LSAMP: variants seen among roughly 807,000 people sequenced by gnomAD.
The protein encoded by LSAMP is limbic system associated membrane protein, also known as limbic system-associated membrane protein.
A neutral mutation model predicts 38.6 loss-of-function variants in LSAMP; 7 were observed. The ratio of observed to expected loss-of-function variants is 0.18; its 90% confidence interval spans 0.10 to 0.34. LSAMP has a LOEUF of 0.34. Ranked by LOEUF, LSAMP falls within the 10% of genes least tolerant of loss-of-function variation. LSAMP has a pLI of 1.00. For missense variants in LSAMP, 313 were observed against 420.0 expected, an observed-to-expected ratio of 0.75 and a Z score of 2.23; for synonymous variants, 154 against 166.8, an observed-to-expected ratio of 0.92 and a Z score of 0.59.
intron 3 of LSAMP, among the ~76,000 whole-genome samples, chr3:115,906,886 GA>G (rs1344039992): frequency 6.6e-6 from 1 of 152,136 alleles, no homozygotes; most frequent in African/African-American, 2.4e-5. Context: ...TAATTTCAGA[GA>G]ATGAGAAGTA....
chr3:116,230,706 G>A (rs1258883322), intron 1 of LSAMP, among the ~76,000 whole-genome samples: 3 of 152,040 alleles, frequency 2.0e-5, no homozygotes, highest in Non-Finnish European at 4.4e-5. Context: ...TGCTGCCTCA[G>A]CTCCTTGGAA....
At chr3:115,834,316 G>A (rs1934712696) in intron 6 of LSAMP, among the ~76,000 whole-genome samples, 2 of 152,056 alleles carry the variant, frequency 1.3e-5, no homozygotes, top group South Asian at 2.1e-4. Flanking sequence ...TGCTTGCTGA[G>A]TTTAGTATTG....
intron 1 of LSAMP, among the ~76,000 whole-genome samples, chr3:116,416,379 A>C (rs539978430): frequency 3.9e-5 from 6 of 152,284 alleles, no homozygotes; most frequent in Non-Finnish European, 7.4e-5. Flanking sequence ...CCATGATTAG[A>C]GTTGGAATAA....
intron 1 of LSAMP, among the ~76,000 whole-genome samples, chr3:116,102,480 A>G (rs944655557): frequency 6.6e-6 from 1 of 152,140 alleles, no homozygotes; most frequent in Non-Finnish European, 1.5e-5. Flanking sequence ...GTGTTTCTGG[A>G]TGAGATTAAC....
chr3:116,287,576 A>G (rs1187889562), intron 1 of LSAMP, among the ~76,000 whole-genome samples: 2 of 152,196 alleles, frequency 1.3e-5, no homozygotes, highest in African/African-American at 2.4e-5. Flanking sequence ...GGTAAAGAGT[A>G]AAATATTAAG....
At chr3:116,430,204 C>T (rs1023528340) in intron 1 of LSAMP, among the ~76,000 whole-genome samples, 1 of 152,110 alleles carries the variant, frequency 6.6e-6, no homozygotes, top group Non-Finnish European at 1.5e-5. Context: ...TACAGTCCCT[C>T]TCTTTTGATA....
intron 1 of LSAMP, among the ~76,000 whole-genome samples, chr3:116,234,639 C>T (rs1034450917): frequency 1.3e-5 from 2 of 151,986 alleles, no homozygotes; most frequent in East Asian, 1.9e-4. Context: ...AATTAAACTA[C>T]AGGTTTTAAT....
At chr3:116,105,937 C>A (rs1708456460) in intron 1 of LSAMP, among the ~76,000 whole-genome samples, 3 of 151,892 alleles carry the variant, frequency 2.0e-5, no homozygotes, top group African/African-American at 4.8e-5. Flanking sequence ...GGCGTGGGAA[C>A]CTAGAGTGGG....
intron 1 of LSAMP, among the ~76,000 whole-genome samples, chr3:116,132,118 G>A (rs1463688339): frequency 3.9e-5 from 6 of 151,950 alleles, no homozygotes; most frequent in South Asian, 2.1e-4. Context: ...ATGAGCCACC[G>A]TGCCTGGCCT....
intron 3 of LSAMP, among the ~76,000 whole-genome samples, chr3:115,937,239 C>T (rs371271643): frequency 4.6e-5 from 7 of 152,106 alleles, no homozygotes; most frequent in Non-Finnish European, 1.0e-4. Context: ...ACAGCAGCAC[C>T]TAGTGTCAGC....
intron 1 of LSAMP, among the ~76,000 whole-genome samples, chr3:116,341,763 G>T (rs1012957836): frequency 6.6e-6 from 1 of 151,904 alleles, no homozygotes; most frequent in Non-Finnish European, 1.5e-5. Context: ...AATGACTCCC[G>T]CCTTCCTTGA....
intron 3 of LSAMP, among the ~76,000 whole-genome samples, chr3:115,861,174 C>T (rs59231500): frequency 1.5e-5 from 2 of 134,740 alleles, no homozygotes; most frequent in Non-Finnish European, 1.6e-5. Context: ...TCCTTCCTTC[C>T]TTCCTTCCTT....
chr3:115,957,632 A>G (rs1938493871), intron 3 of LSAMP, among the ~76,000 whole-genome samples: 2 of 152,222 alleles, frequency 1.3e-5, no homozygotes, highest in Admixed American at 1.3e-4. Context: ...GGAAATTTGT[A>G]TCTTCCACAT....
At chr3:116,216,922 A>G (rs140564967) in intron 1 of LSAMP, among the ~76,000 whole-genome samples, 1 of 152,326 alleles carries the variant, frequency 6.6e-6, no homozygotes, top group South Asian at 2.1e-4. Flanking sequence ...ACTGTTCAGA[A>G]CCATGATGGA....
chr3:116,151,425 T>C (rs1709608314), intron 1 of LSAMP, among the ~76,000 whole-genome samples: 1 of 151,994 alleles, frequency 6.6e-6, no homozygotes, highest in South Asian at 2.1e-4. Context: ...AGGAAAATAA[T>C]ATATTCAGAG....
At position 116,085,983 on chromosome 3, in the gene LSAMP, G is replaced by T. The variant is rs114001925; in HGVS notation, c.388+341C>A. Among the ~76,000 whole-genome samples, 867 of 152,328 alleles carry T rather than the reference G, an allele frequency of 5.7e-3. 3 individuals carry two copies. The highest frequency in any genetic ancestry group is 9.3e-3 in the Non-Finnish European group (633 of 68,038). ...CAAAGCATCTGGTACCTAACAGGGT[G>T]GAAAAGTGTACTTCATATGGCCCTA... On this transcript the variant is annotated intron_variant, in intron 2 of 6. Coordinates refer to ENST00000490035, the MANE Select transcript of LSAMP (RefSeq NM_002338.5).
At chr3:115,979,221 A>G (rs1939283583) in intron 3 of LSAMP, among the ~76,000 whole-genome samples, 1 of 152,012 alleles carries the variant, frequency 6.6e-6, no homozygotes. Flanking sequence ...AAACAGAATA[A>G]GTTGGTCGTA....
intron 1 of LSAMP, among the ~76,000 whole-genome samples, chr3:116,223,518 C>T (rs758885494): frequency 6.6e-6 from 1 of 152,070 alleles, no homozygotes; most frequent in Non-Finnish European, 1.5e-5. Flanking sequence ...AATAAGAAAA[C>T]TACTGAAAAT....
intron 4 of LSAMP, among the ~76,000 whole-genome samples, chr3:115,845,543 G>T (rs139018152): frequency 2.8e-4 from 43 of 150,924 alleles, no homozygotes; most frequent in Non-Finnish European, 4.7e-4. Context: ...TTCCTTTTGG[G>T]ACCAAGCTTC....
Sources: allele counts gnomAD v4.1 joint callset (sites outside exome capture counted in the v4.1 genomes callset), GRCh38; gene constraint gnomAD v4.1.1; transcripts MANE v1.5; gene names NCBI Gene and HGNC (gene_info 2026-07-23, HGNC 2026-07-21).